The following MACF1 variants were observed in gnomAD, a reference collection of about 807,000 sequenced individuals.
The protein encoded by MACF1 is microtubule-actin cross-linking factor 1.
A neutral mutation model predicts 854.8 loss-of-function variants in MACF1; 193 were observed. The observed-to-expected ratio is 0.23, with a 90% CI of 0.20 to 0.25. MACF1 has a LOEUF of 0.25. Ranked by LOEUF, MACF1 falls within the 10% of genes least tolerant of loss-of-function variation. The pLI is 1.00. For missense variants in MACF1, 7,722 were observed against 8,929.1 expected, an observed-to-expected ratio of 0.86 and a Z score of 5.45; for synonymous variants, 3,185 against 3,226.7, an observed-to-expected ratio of 0.99 and a Z score of 0.44.
chr1:39,431,178 A>G (rs1643870710), intron 66 of MACF1, among the ~76,000 whole-genome samples: 1 of 152,208 alleles, frequency 6.6e-6, no homozygotes, highest in African/African-American at 2.4e-5. Context: ...CCCTGCTAAG[A>G]AGGCTGATGG....
At position 39,424,145 on chromosome 1, in the gene MACF1, G is replaced by A. The variant is rs756522785; in HGVS notation, c.16267G>A (p.Glu5423Lys). ...ADREKITGQL[E>K]SLESRWTELL... The stretch of plus-strand genomic sequence containing the variant: ...TAGAGAGAAAATCACTGGACAGCTG[G>A]AGAGTCTTGAAAGTAGATGGACTGA... Residue 5423 changes from glutamate to lysine, a missense_variant, in exon 61 of 101, where the codon GAG becomes AAG. Physicochemically the swap from Glu to Lys is moderately conservative, Grantham distance 56 (BLOSUM62 1). Coordinates refer to ENST00000564288, the MANE Select transcript of MACF1 (RefSeq NM_001394062.1). 6.2e-7 allele frequency: 1 copy of A among 1,613,566 alleles called. No homozygotes were observed. The highest frequency in any genetic ancestry group is 1.1e-5 in the South Asian group (1 of 91,036).
At chr1:39,417,271 C>T (rs890380158) in intron 58 of MACF1, among the ~76,000 whole-genome samples, 2 of 152,174 alleles carry the variant, frequency 1.3e-5, no homozygotes, top group African/African-American at 4.8e-5. Context: ...CCTACTGAGA[C>T]CAATCTCTGG....
At chr1:39,433,021 T>G (rs1267720687) in intron 67 of MACF1, 27 bp from the exon 68 acceptor site, 1 of 1,426,794 alleles carries the variant, frequency 7.0e-7, no homozygotes, top group East Asian at 2.3e-5. Flanking sequence ...GTCTTTTTAC[T>G]TCTTAACTAC....
intron 2 of MACF1, among the ~76,000 whole-genome samples, chr1:39,234,836 GCTGGGCAGAGGTGCTCCTCACATCCCAGA>G (rs1644839031): frequency 4.6e-5 from 2 of 43,868 alleles, no homozygotes; most frequent in East Asian, 1.8e-3. Context: ...CGGGGTCGCG[GCTGGGCAGAGGTGCTCCTCACATCCCAGA>G]CGGGGCGGCG....
intron 6 of MACF1, among the ~76,000 whole-genome samples, chr1:39,266,829 T>A (rs544984401): frequency 5.7e-4 from 86 of 151,892 alleles, no homozygotes; most frequent in Non-Finnish European, 1.1e-3. Context: ...GATACTATAC[T>A]AAAAAAAATT....
chr1:39,392,865 T>C (rs2148577770), intron 58 of MACF1, among the ~76,000 whole-genome samples: 1 of 152,304 alleles, frequency 6.6e-6, no homozygotes, highest in South Asian at 2.1e-4. Flanking sequence ...GAGAGTTCCT[T>C]TCCACTCAAA....
At chr1:39,280,175 G>T (rs146832764) in intron 6 of MACF1, among the ~76,000 whole-genome samples, 6 of 151,774 alleles carry the variant, frequency 4.0e-5, no homozygotes, top group African/African-American at 1.5e-4. Context: ...TGGGATTATA[G>T]GTGTGAGCCA....
intron 2 of MACF1, among the ~76,000 whole-genome samples, chr1:39,186,214 C>CTCTCTCTG (rs1430618940): frequency 1.7e-5 from 1 of 57,904 alleles, no homozygotes; most frequent in Non-Finnish European, 4.0e-5. Context: ...CTCTCTCTCT[C>CTCTCTCTG]TGTGTGTGTG....
intron 20 of MACF1, among the ~76,000 whole-genome samples, chr1:39,297,315 C>T (rs1220895139): frequency 6.6e-6 from 1 of 152,120 alleles, no homozygotes; most frequent in Non-Finnish European, 1.5e-5. Context: ...TCATGAAATA[C>T]ACCCCACAGC....
intron 2 of MACF1, among the ~76,000 whole-genome samples, chr1:39,232,608 G>C (rs1045826117): frequency 1.3e-5 from 2 of 152,160 alleles, no homozygotes. Flanking sequence ...TAGCTGCTGG[G>C]ATTGTTTTGT....
At chr1:39,103,786 C>T (rs900631722) in intron 2 of MACF1, 1 of 152,190 alleles carries the variant, frequency 6.6e-6, no homozygotes, top group Non-Finnish European at 1.5e-5. Flanking sequence ...GATCTTCATG[C>T]CCACAACTTG....
At chr1:39,266,729 A>C (rs999442894) in intron 6 of MACF1, among the ~76,000 whole-genome samples, 3 of 147,186 alleles carry the variant, frequency 2.0e-5, no homozygotes, top group Admixed American at 7.0e-5. Context: ...CTTTTGTTGT[A>C]GAATAAATAA....
chr1:39,187,864 C>CTGTCTCTCTCTCTCTT (rs1240217845), intron 2 of MACF1, among the ~76,000 whole-genome samples: 2 of 137,050 alleles, frequency 1.5e-5, no homozygotes, highest in South Asian at 2.4e-4. Flanking sequence ...CTCTCTCTCT[C>CTGTCTCTCTCTCTCTT]TGTCTCTCTC....
chr1:39,416,807 T>C (rs1643330636), intron 58 of MACF1, among the ~76,000 whole-genome samples: 1 of 152,228 alleles, frequency 6.6e-6, no homozygotes, highest in South Asian at 2.1e-4. Context: ...TTGTGGAATA[T>C]CTGGAAGTGA....
chr1:39,171,203 T>TTGTGTG (rs147517281), intron 2 of MACF1, among the ~76,000 whole-genome samples: 4,811 of 146,256 alleles, frequency 0.033, 122 homozygotes, highest in Non-Finnish European at 0.05. Context: ...ATCTTTCTGT[T>TTGTGTG]TGTGTGTGTG....
At chr1:39,284,008 C>T in intron 9 of MACF1, 58 bp from the exon 10 acceptor site, 1 of 1,594,176 alleles carries the variant, frequency 6.3e-7, no homozygotes, top group Non-Finnish European at 8.5e-7. Context: ...GCTACTTTCT[C>T]TTGTGCTTGT....
intron 2 of MACF1, among the ~76,000 whole-genome samples, chr1:39,234,867 G>T (rs1253958910): frequency 6.7e-4 from 85 of 126,808 alleles, no homozygotes; most frequent in African/African-American, 2.1e-3. Flanking sequence ...CATCCCAGAC[G>T]GGGCGGCGGG....
In MACF1 at chr1:39,105,229, G is replaced by A. The variant is rs1184482941; in HGVS notation, c.220+20791G>A. 1.3e-5 allele frequency among the ~76,000 whole-genome samples: 2 copies of A among 151,102 alleles called. No homozygotes were observed. Among genetic ancestry groups the A allele is most frequent in the Non-Finnish European group, 3.0e-5 (2 of 67,680 alleles). ...CGTGTGGGCAGCCCGGGCCCAGCCG[G>A]CCGCAGCCTGGGGCCGAGGACTCGC... On this transcript the variant is annotated intron_variant, in intron 2 of 93. Transcript: ENST00000361689. The surrounding 1 kb of genome is among the most constrained non-coding windows in gnomAD (Gnocchi z 5.9).
chr1:39,103,742 T>C (rs181114994), intron 2 of MACF1: 1 of 152,300 alleles, frequency 6.6e-6, no homozygotes, highest in Admixed American at 6.5e-5. Flanking sequence ...TGTCTAAGGA[T>C]CCTCCCTGTC....
Sources: allele counts gnomAD v4.1 joint callset (sites outside exome capture counted in the v4.1 genomes callset), GRCh38; gene constraint gnomAD v4.1.1; non-coding constraint Gnocchi (gnomAD v3.1); transcripts MANE v1.5; gene names NCBI Gene and HGNC (gene_info 2026-07-23, HGNC 2026-07-21).